The following HS3ST3B1 variants were observed in gnomAD, a reference collection of about 807,000 sequenced individuals.
HS3ST3B1 encodes heparan sulfate glucosamine 3-O-sulfotransferase 3B1.
A neutral mutation model predicts 21.3 loss-of-function variants in HS3ST3B1; 13 were observed. That is an observed-to-expected ratio of 0.61 (90% CI 0.40 to 0.97). HS3ST3B1 has a LOEUF of 0.97. Ranked by LOEUF, HS3ST3B1 falls within the 50% of genes least tolerant of loss-of-function variation. The pLI is 0.00. For synonymous variants in HS3ST3B1, 234 were observed against 254.8 expected (o/e 0.92, Z 0.78); for missense variants, 459 against 554.8 (o/e 0.83, Z 1.73).
chr17:14,343,113 G>A (rs1042345035), intron 1 of HS3ST3B1, among the ~76,000 whole-genome samples: 1 of 151,902 alleles, frequency 6.6e-6, no homozygotes, highest in African/African-American at 2.4e-5. Context: ...GTGGTGGTGG[G>A]CGCCTGTAGT....
chr17:14,340,491 C>G (rs1380344516), intron 1 of HS3ST3B1, among the ~76,000 whole-genome samples: 1 of 152,170 alleles, frequency 6.6e-6, no homozygotes, highest in East Asian at 1.9e-4. Flanking sequence ...CCCATCACTG[C>G]AAGACTCCAC....
chr17:14,313,135 T>TATATATATATATATATAC (rs1909383183), intron 1 of HS3ST3B1, among the ~76,000 whole-genome samples: 1 of 150,144 alleles, frequency 6.7e-6, no homozygotes, highest in African/African-American at 2.5e-5. Flanking sequence ...TGTGTGTGTG[T>TATATATATATATATATAC]ATATATATAT....
intron 1 of HS3ST3B1, among the ~76,000 whole-genome samples, chr17:14,337,743 C>A (rs1042600597): frequency 2.6e-5 from 4 of 151,620 alleles, no homozygotes; most frequent in Non-Finnish European, 5.9e-5. Context: ...AGCGTGTGAC[C>A]TTCACTCCTC....
chr17:14,324,032 C>T (rs921436563), intron 1 of HS3ST3B1, among the ~76,000 whole-genome samples: 1 of 152,044 alleles, frequency 6.6e-6, no homozygotes, highest in African/African-American at 2.4e-5. Flanking sequence ...TTGGTGCACC[C>T]CCGACCCCTG....
chr17:14,314,773 G>A (rs992740184), intron 1 of HS3ST3B1, among the ~76,000 whole-genome samples: 1 of 152,144 alleles, frequency 6.6e-6, no homozygotes, highest in Non-Finnish European at 1.5e-5. Context: ...GCCCCTTCCT[G>A]TCTCACACTG....
At chr17:14,330,592 G>A (rs118156176) in intron 1 of HS3ST3B1, among the ~76,000 whole-genome samples, 4,767 of 123,452 alleles carry the variant, frequency 0.039, 103 homozygotes, top group Middle Eastern at 0.085. Flanking sequence ...TGTTGCTTGC[G>A]GGTGGAGGTT....
intron 1 of HS3ST3B1, among the ~76,000 whole-genome samples, chr17:14,337,337 T>TTTG (rs1464708822): frequency 6.6e-6 from 1 of 151,404 alleles, no homozygotes; most frequent in Non-Finnish European, 1.5e-5. Flanking sequence ...ATTGGATTTT[T>TTTG]TTTTTTTTGA....
At chr17:14,340,940 T>C (rs1304121497) in intron 1 of HS3ST3B1, among the ~76,000 whole-genome samples, 1 of 152,116 alleles carries the variant, frequency 6.6e-6, no homozygotes, top group African/African-American at 2.4e-5. Flanking sequence ...ACAGCAGTAG[T>C]TCCCCTGGCT....
chr17:14,326,781 C>T (rs933463753), intron 1 of HS3ST3B1, among the ~76,000 whole-genome samples: 3 of 151,866 alleles, frequency 2.0e-5, no homozygotes, highest in African/African-American at 4.8e-5. Context: ...ACTAGCTGGA[C>T]GTGGTGGTGT....
chr17:14,319,868 GCACCCAT>G lies in HS3ST3B1; in HGVS notation c.554+17803_554+17809del, dbSNP rs1458724393. Among the ~76,000 whole-genome samples the G allele has an allele frequency of 3.3e-5, 5 of 152,012 alleles. No individual in the cohort carries two copies. In the East Asian group the frequency reaches 9.7e-4, roughly 29 times the overall value. On this transcript the variant is annotated intron_variant, in intron 1 of 1. Coordinates refer to ENST00000360954, the MANE Select transcript of HS3ST3B1 (RefSeq NM_006041.3). ...TAGTGGTGATTTCTGAGATTTCGAT[GCACCCAT>G]CACCCAAGCAATGTACACTGTACCC...
chr17:14,303,920 C>G lies in HS3ST3B1; in HGVS notation c.554+1848C>G, dbSNP rs1034320704. On this transcript the variant is annotated intron_variant, in intron 1 of 1. Coordinates refer to ENST00000360954, the MANE Select transcript of HS3ST3B1 (RefSeq NM_006041.3). The surrounding 1 kb of genome is among the most constrained non-coding windows in gnomAD (Gnocchi z 5.7). ...AGGAAAAGGACTGAACCCTTAATGTCAGGCGGTTTTGAAGCACCTGGGGCA... is the reference window on the plus strand; with the variant it reads ...AGGAAAAGGACTGAACCCTTAATGTGAGGCGGTTTTGAAGCACCTGGGGCA... 3.9e-5 allele frequency: 6 copies of G among 152,216 alleles called. No individual in the cohort carries two copies. Among genetic ancestry groups the G allele is most frequent in the Non-Finnish European group, 7.3e-5 (5 of 68,084 alleles). The allele number at this position is 152,216 out of a possible 1,614,324, so 9.4% of individuals were successfully genotyped here.
rs925609681 is a variant in HS3ST3B1, at chr17:14,348,517, C to T, written c.*2871C>T. 1 of 152,202 alleles carries T rather than the reference C, an allele frequency of 6.6e-6. No individual in the cohort carries two copies. Among genetic ancestry groups the T allele is most frequent in the African/African-American group, 2.4e-5 (1 of 41,448 alleles). 9.4% of individuals were successfully genotyped at this position (152,202 alleles called of 1,614,324 possible). ...CACCCCATCATCGGACGGTCATCTT[C>T]CTGCTGCAGAAGTTAGGTAACATAA... On this transcript the variant is annotated 3_prime_UTR_variant, in exon 2 of 2. Transcript: ENST00000360954.
Position 14,301,959 on chromosome 17 carries a change from G to C in HS3ST3B1, c.441G>C (p.Lys147Asn). The C allele has an allele frequency of 6.2e-7, 1 of 1,609,552 alleles. No individual in the cohort carries two copies. The highest frequency in any genetic ancestry group is 8.5e-7 in the Non-Finnish European group (1 of 1,178,582). ...AGGCCATCATCATCGGCGTGAAGAAGGGCGGCACGCGGGCGCTGCTGGAGT... is the reference window on the plus strand; with the variant it reads ...AGGCCATCATCATCGGCGTGAAGAACGGCGGCACGCGGGCGCTGCTGGAGT... ...LPQAIIIGVKKGGTRALLEFL... is the reference protein window; with the variant it reads ...LPQAIIIGVKNGGTRALLEFL... Residue 147 changes from lysine to asparagine, a missense_variant, in exon 1 of 2, where the codon AAG (lysine) becomes AAC (asparagine). Physicochemically the swap from Lys to Asn is moderately conservative, Grantham distance 94 (BLOSUM62 0). This residue lies in a region of HS3ST3B1 where 317 missense variants were observed against 278.6 expected (regional missense o/e 1.14). Coordinates refer to ENST00000360954, the MANE Select transcript of HS3ST3B1 (RefSeq NM_006041.3).
chr17:14,321,990 T>A (rs1052974335), intron 1 of HS3ST3B1, among the ~76,000 whole-genome samples: 1 of 149,788 alleles, frequency 6.7e-6, no homozygotes, highest in Admixed American at 6.7e-5. Flanking sequence ...ATCATCTCTT[T>A]TATATATATA....
intron 1 of HS3ST3B1, among the ~76,000 whole-genome samples, chr17:14,335,723 G>A (rs1195038368): frequency 6.6e-6 from 1 of 151,854 alleles, no homozygotes; most frequent in Non-Finnish European, 1.5e-5. Context: ...AAATTTCTAT[G>A]TCTCTATTGA....
chr17:14,331,362 C>T (rs1227769806), intron 1 of HS3ST3B1, among the ~76,000 whole-genome samples: 1 of 152,040 alleles, frequency 6.6e-6, no homozygotes, highest in Non-Finnish European at 1.5e-5. Context: ...GGCCTATAAC[C>T]GAGGATTCTG....
chr17:14,307,791 A>C (rs1188730574), intron 1 of HS3ST3B1, among the ~76,000 whole-genome samples: 1 of 152,246 alleles, frequency 6.6e-6, no homozygotes, highest in Non-Finnish European at 1.5e-5. Context: ...CTCTAAAGGC[A>C]GGGCATAATG....
At chr17:14,323,135 T>C (rs1456743891) in intron 1 of HS3ST3B1, among the ~76,000 whole-genome samples, 4 of 152,112 alleles carry the variant, frequency 2.6e-5, no homozygotes, top group Non-Finnish European at 5.9e-5. Flanking sequence ...CTCGAACTCC[T>C]AACCTGGTGA....
chr17:14,332,341 T>C (rs1375820026), intron 1 of HS3ST3B1, among the ~76,000 whole-genome samples: 1 of 152,164 alleles, frequency 6.6e-6, no homozygotes, highest in Admixed American at 6.5e-5. Context: ...CTTTTTCCCT[T>C]GGATTTTCTT....
Sources: allele counts gnomAD v4.1 joint callset (sites outside exome capture counted in the v4.1 genomes callset), GRCh38; gene constraint gnomAD v4.1.1; regional missense constraint gnomAD v4.1.1; non-coding constraint Gnocchi (gnomAD v3.1); transcripts MANE v1.5; gene names NCBI Gene and HGNC (gene_info 2026-07-23, HGNC 2026-07-21).